The following COL23A1 variants were observed in gnomAD, a reference collection of about 807,000 sequenced individuals.
COL23A1 encodes the protein collagen alpha-1(XXIII) chain.
A neutral mutation model predicts 99.3 loss-of-function variants in COL23A1; 97 were observed. The ratio of observed to expected loss-of-function variants is 0.98; its 90% CI spans 0.83 to 1.16. The LOEUF is 1.16. COL23A1 is among the 50% of genes most tolerant of loss of function. COL23A1 has a pLI of 0.00. For synonymous variants in COL23A1, 320 were observed against 308.2 expected, an observed-to-expected ratio of 1.04 and a Z score of -0.40; for missense variants, 762 against 757.4, an observed-to-expected ratio of 1.01 and a Z score of -0.07.
chr5:178,485,832 G>A lies in COL23A1; in HGVS notation c.361+74850C>T, dbSNP rs569233083. 1.5e-4 allele frequency among the ~76,000 whole-genome samples: 23 copies of A among 148,800 alleles called. 1 individual carries two copies. In the South Asian group the frequency reaches 4.1e-3, roughly 26 times the overall value. ...TGTCAGGATGAGTAAGCTGAGTACA[G>A]AGTAAAACTTGACATTAAGAAGAAA... On this transcript the variant is annotated intron_variant, in intron 2 of 28. Transcript: ENST00000390654.
intron 20 of COL23A1, 66 bp from the exon 21 acceptor site, chr5:178,247,897 T>A: frequency 7.2e-7 from 1 of 1,388,260 alleles, no homozygotes. Context: ...GCACCCGAGC[T>A]CATCGCACAC....
chr5:178,360,008 G>A (rs1456380222), intron 2 of COL23A1, among the ~76,000 whole-genome samples: 1 of 152,208 alleles, frequency 6.6e-6, no homozygotes, highest in Non-Finnish European at 1.5e-5. Flanking sequence ...AGAGCCTCGG[G>A]TGAGACAAGC....
intron 2 of COL23A1, among the ~76,000 whole-genome samples, chr5:178,312,647 ACAAACCTGC>A (rs1758765000): frequency 6.9e-6 from 1 of 144,616 alleles, no homozygotes; most frequent in Non-Finnish European, 1.5e-5. Flanking sequence ...AGGTCCCTTC[ACAAACCTGC>A]AGCCACCCCA....
chr5:178,314,943 C>T (rs79518456), intron 2 of COL23A1, among the ~76,000 whole-genome samples: 2,236 of 152,220 alleles, frequency 0.015, 54 homozygotes, highest in African/African-American at 0.051. Context: ...AAATAGTCCA[C>T]GGTTTTCATA....
intron 2 of COL23A1, among the ~76,000 whole-genome samples, chr5:178,459,453 T>G (rs1755995455): frequency 6.6e-6 from 1 of 152,162 alleles, no homozygotes; most frequent in East Asian, 1.9e-4. Flanking sequence ...CGTACAGTGT[T>G]TGAAATTTTT....
intron 2 of COL23A1, among the ~76,000 whole-genome samples, chr5:178,318,795 G>A (rs1276994225): frequency 1.3e-5 from 2 of 152,084 alleles, no homozygotes; most frequent in African/African-American, 2.4e-5. Context: ...TCAGCTACTC[G>A]GGAGGCTGAG....
intron 2 of COL23A1, among the ~76,000 whole-genome samples, chr5:178,452,206 G>A (rs560189056): frequency 5.3e-5 from 8 of 152,194 alleles, no homozygotes; most frequent in African/African-American, 1.9e-4. Flanking sequence ...ACAAAACTGT[G>A]GACAAGAATT....
chr5:178,323,024 G>A (rs562663618), intron 2 of COL23A1, among the ~76,000 whole-genome samples: 1 of 152,310 alleles, frequency 6.6e-6, no homozygotes, highest in Admixed American at 6.5e-5. Flanking sequence ...TCTTTCGGAG[G>A]GAGGCTAAGC....
In COL23A1 at chr5:178,281,493, T is replaced by C. The variant is rs1478411549; in HGVS notation, c.441+6831A>G. 6.6e-6 allele frequency among the ~76,000 whole-genome samples: 1 copy of C among 152,124 alleles called. No individual in the cohort carries two copies. Among genetic ancestry groups the C allele is most frequent in the Non-Finnish European group, 1.5e-5 (1 of 68,018 alleles). On this transcript the variant is annotated intron_variant, in intron 5 of 28. Coordinates refer to ENST00000390654, the MANE Select transcript of COL23A1 (RefSeq NM_173465.4). This position sits in a 1 kb window ranked among gnomAD's most constrained non-coding sequence, Gnocchi z 4.0. The stretch of plus-strand genomic sequence containing the variant: ...GACTGAGGCCGGAGATGAAGTGCAG[T>C]CACCGCTCCCTCGACTCCAGAGGGG...
chr5:178,318,002 C>T (rs1759069112), intron 2 of COL23A1, among the ~76,000 whole-genome samples: 1 of 152,080 alleles, frequency 6.6e-6, no homozygotes, highest in South Asian at 2.1e-4. Context: ...TCCCACAATA[C>T]GTGGGAGTTA....
rs1756840064 is a variant in COL23A1 at position 178,280,509 on chromosome 5, C to G, written c.441+7815G>C. ...GCATGGGCTGGACATCGTGCCAGCC[C>G]TGGGTCCTGGTCGGGGGCAGCTTCA... On this transcript the variant is annotated intron_variant, in intron 5 of 28. Transcript: ENST00000390654. The surrounding 1 kb of genome is among the most constrained non-coding windows in gnomAD (Gnocchi z 4.9). Among the ~76,000 whole-genome samples, 1 of 152,170 alleles carries G rather than the reference C, an allele frequency of 6.6e-6. No homozygotes were observed. Among genetic ancestry groups the G allele is most frequent in the Non-Finnish European group, 1.5e-5 (1 of 68,030 alleles).
rs374805828 is a variant in COL23A1, at chr5:178,290,476, T to A, written c.407-107A>T. ...GTCCTCAGCACGGCTCCTGGCCACC[T>A]CTCCCCGGAAGGCTTTGATGCTGCC... On this transcript the variant is annotated intron_variant, in intron 3 of 28. Coordinates refer to ENST00000390654, the MANE Select transcript of COL23A1 (RefSeq NM_173465.4). The A allele has an allele frequency of 1.8e-5, 26 of 1,441,496 alleles. No homozygotes were observed. In the South Asian group the frequency reaches 1.9e-4, roughly 11 times the overall value. 89.3% of individuals were successfully genotyped at this position (1,441,496 alleles called of 1,614,324 possible). A position where few individuals can be genotyped will look rare whatever the true frequency, so the allele number is the denominator to read the frequency against.
At chr5:178,543,554 C>G (rs1761412471) in intron 2 of COL23A1, among the ~76,000 whole-genome samples, 1 of 152,148 alleles carries the variant, frequency 6.6e-6, no homozygotes, top group African/African-American at 2.4e-5. Flanking sequence ...CTAAACAATG[C>G]CTGGAGTGAG....
chr5:178,288,295 A>G (rs1757265792), intron 5 of COL23A1, 29 bp downstream of exon 5: 19 of 1,526,870 alleles, frequency 1.2e-5, no homozygotes, highest in Non-Finnish European at 1.6e-5. Context: ...AAAAGGGTGA[A>G]GAGAGCAAAA....
chr5:178,528,709 T>C (rs1019155223), intron 2 of COL23A1, among the ~76,000 whole-genome samples: 7 of 151,880 alleles, frequency 4.6e-5, no homozygotes, highest in African/African-American at 7.3e-5. Context: ...ACTCGGGAGG[T>C]TGAGGCAGGA....
intron 2 of COL23A1, among the ~76,000 whole-genome samples, chr5:178,553,851 T>C (rs565424600): frequency 9.3e-4 from 141 of 152,300 alleles, no homozygotes; most frequent in African/African-American, 3.0e-3. Context: ...GGCCTCCTAC[T>C]CTGTGTCTCT....
chr5:178,349,704 G>C (rs1022775822), intron 2 of COL23A1, among the ~76,000 whole-genome samples: 7 of 152,208 alleles, frequency 4.6e-5, no homozygotes, highest in Non-Finnish European at 8.8e-5. Context: ...AGTGTTGACT[G>C]AGTGAATGAA....
chr5:178,291,648 A>T (rs1757464773), intron 3 of COL23A1, among the ~76,000 whole-genome samples: 1 of 151,920 alleles, frequency 6.6e-6, no homozygotes. Flanking sequence ...GGTGAAGGGG[A>T]GTCAGCGAAG....
intron 2 of COL23A1, among the ~76,000 whole-genome samples, chr5:178,346,551 G>C (rs76217412): frequency 0.019 from 2,831 of 152,214 alleles, 33 homozygotes; most frequent in Non-Finnish European, 0.031. Flanking sequence ...TTGATCTTTT[G>C]AAGTTAAACA....
Sources: allele counts gnomAD v4.1 joint callset (sites outside exome capture counted in the v4.1 genomes callset), GRCh38; gene constraint gnomAD v4.1.1; non-coding constraint Gnocchi (gnomAD v3.1); transcripts MANE v1.5; gene names NCBI Gene and HGNC (gene_info 2026-07-23, HGNC 2026-07-21).